The following MICU2 variants were observed in gnomAD, a reference collection of about 807,000 sequenced individuals.
MICU2 encodes the protein calcium uptake protein 2, mitochondrial.
A neutral mutation model predicts 60.4 loss-of-function variants in MICU2; 64 were observed. That is an observed-to-expected ratio of 1.06 (90% CI 0.87 to 1.31). MICU2 has a LOEUF of 1.31. Among genes scored for constraint, MICU2 ranks in the 50% most tolerant of loss-of-function variants. The pLI is 0.00. For missense variants in MICU2, 569 were observed against 531.0 expected, an observed-to-expected ratio of 1.07 and a Z score of -0.70; for synonymous variants, 201 against 175.0, an observed-to-expected ratio of 1.15 and a Z score of -1.17.
chr13:21,586,008 TA>T (rs1161041653), intron 1 of MICU2, among the ~76,000 whole-genome samples: 1 of 152,214 alleles, frequency 6.6e-6, no homozygotes, highest in Non-Finnish European at 1.5e-5. Flanking sequence ...ATTTTTTAGA[TA>T]ATACTTTACA....
chr13:21,525,532 C>T (rs1886830543), intron 4 of MICU2, among the ~76,000 whole-genome samples: 1 of 151,840 alleles, frequency 6.6e-6, no homozygotes. Flanking sequence ...ACCTTTTCCA[C>T]AGCAGCTGTG....
In MICU2 at chr13:21,539,506, T is replaced by C. The variant is rs1216965380; in HGVS notation, c.391-129A>G. On this transcript the variant is annotated intron_variant, in intron 3 of 11. Transcript: ENST00000382374. Reference sequence around the variant, plus strand: ...TTAGTAGACACAGGGCTTCACTGTGTTAGCCAGGATGGTGATCTCCTGACC... The same window carrying C: ...TTAGTAGACACAGGGCTTCACTGTGCTAGCCAGGATGGTGATCTCCTGACC... The C allele has an allele frequency of 8.5e-6, 11 of 1,294,926 alleles. No individual in the cohort carries two copies. The East Asian group carries it at 2.4e-4, about 28-fold the overall frequency. 80.2% of individuals were successfully genotyped at this position (1,294,926 alleles called of 1,614,324 possible).
intron 1 of MICU2, among the ~76,000 whole-genome samples, chr13:21,567,615 A>T (rs2761915): frequency 1.3e-5 from 2 of 152,176 alleles, no homozygotes; most frequent in African/African-American, 2.4e-5. Context: ...AAAATATTGC[A>T]GAATATATAG....
chr13:21,515,738 C>T, intron 6 of MICU2: 1 of 194,820 alleles, frequency 5.1e-6, no homozygotes, highest in South Asian at 8.4e-5. Flanking sequence ...TTGAATTTAG[C>T]TATTTCTATT....
At chr13:21,577,574 G>C (rs1459616204) in intron 1 of MICU2, among the ~76,000 whole-genome samples, 2 of 152,052 alleles carry the variant, frequency 1.3e-5, no homozygotes, top group Non-Finnish European at 2.9e-5. Context: ...TTGGGAGGCC[G>C]ATGTGGGTGG....
intron 2 of MICU2, among the ~76,000 whole-genome samples, chr13:21,548,857 C>T (rs1048714196): frequency 2.7e-5 from 4 of 150,890 alleles, no homozygotes; most frequent in African/African-American, 4.9e-5. Context: ...ATTCTATCGC[C>T]GTATCTCAGA....
Position 21,495,211 on chromosome 13 carries a change from G to A in MICU2, c.1150C>T (p.His384Tyr). 3.1e-6 allele frequency: 5 copies of A among 1,613,130 alleles called. No homozygotes were observed. The highest frequency in any genetic ancestry group is 4.2e-6 in the Non-Finnish European group (5 of 1,179,610). ...TTTAACACCCCAAGAAACTCTTCAT[G>A]ACTAAGACATTCATCACCATCCAAA... ...FDLDGDECLS[H>Y]EEFLGVLKNR... The change falls in exon 11 of 12, where the codon CAT (histidine) becomes TAT (tyrosine). Residue 384 changes from histidine to tyrosine, a missense_variant. His to Tyr is a moderately conservative substitution (Grantham distance 83). Coordinates refer to ENST00000382374, the MANE Select transcript of MICU2 (RefSeq NM_152726.3).
At chr13:21,599,976 C>T (rs763375952) in intron 1 of MICU2, among the ~76,000 whole-genome samples, 11 of 152,132 alleles carry the variant, frequency 7.2e-5, no homozygotes, top group Non-Finnish European at 1.5e-4. Context: ...TGCCTACATT[C>T]ATTAAATGAA....
intron 2 of MICU2, among the ~76,000 whole-genome samples, chr13:21,566,456 A>T (rs985907026): frequency 4.6e-5 from 7 of 151,974 alleles, no homozygotes; most frequent in African/African-American, 1.7e-4. Flanking sequence ...CTGTGACATC[A>T]TGACTGCATT....
At chr13:21,564,199 C>T (rs1887919942) in intron 2 of MICU2, among the ~76,000 whole-genome samples, 1 of 151,992 alleles carries the variant, frequency 6.6e-6, no homozygotes, top group Non-Finnish European at 1.5e-5. Context: ...TCAGATTGTG[C>T]TTCTTCTTTT....
chr13:21,493,253 A>G lies in MICU2; in HGVS notation c.1301T>C (p.Phe434Ser). The change falls in exon 12 of 12, where the codon TTT becomes TCT. Residue 434 changes from phenylalanine (F) to serine (S), a missense_variant. Phe to Ser is a radical substitution (Grantham distance 155). Coordinates refer to ENST00000382374, the MANE Select transcript of MICU2 (RefSeq NM_152726.3). ...EVWKQAGKGL[F>S] ...GCCATACTATTATATCTTTTATTAA[A>G]AAAGACCTTTTCCAGCTTGTTTCCA... 2 of 1,596,828 alleles carry G rather than the reference A, an allele frequency of 1.3e-6. No homozygotes were observed. Among genetic ancestry groups the G allele is most frequent in the Non-Finnish European group, 8.5e-7 (1 of 1,173,088 alleles).
chr13:21,528,968 A>T (rs1450663583), intron 4 of MICU2, among the ~76,000 whole-genome samples: 1 of 152,118 alleles, frequency 6.6e-6, no homozygotes. Context: ...AAAGTATGAA[A>T]GCGTAAAAAG....
chr13:21,595,965 T>G (rs1888683161), intron 1 of MICU2, among the ~76,000 whole-genome samples: 1 of 152,244 alleles, frequency 6.6e-6, no homozygotes, highest in Non-Finnish European at 1.5e-5. Context: ...TACATTAAAT[T>G]TCCTTCTTCA....
intron 1 of MICU2, among the ~76,000 whole-genome samples, chr13:21,591,177 G>A (rs1248361970): frequency 6.7e-6 from 1 of 150,102 alleles, no homozygotes. Flanking sequence ...AGGGATGGAG[G>A]AAAATTCACC....
At chr13:21,603,450 C>G (rs1223593955) in intron 1 of MICU2, 1 of 156,814 alleles carries the variant, frequency 6.4e-6, no homozygotes, top group Non-Finnish European at 1.4e-5. Context: ...AAGCAATCGA[C>G]AGAACTTCAT....
intron 4 of MICU2, among the ~76,000 whole-genome samples, chr13:21,536,316 C>T (rs1332141489): frequency 6.7e-6 from 1 of 148,956 alleles, no homozygotes; most frequent in Non-Finnish European, 1.5e-5. Context: ...ATATGATAAA[C>T]TTATTCTCAA....
chr13:21,536,192 A>T (rs1887126614), intron 4 of MICU2, among the ~76,000 whole-genome samples: 1 of 152,222 alleles, frequency 6.6e-6, no homozygotes, highest in Non-Finnish European at 1.5e-5. Context: ...AAGTCCACTA[A>T]ATATTGATAC....
chr13:21,567,244 G>C (rs1446238742), intron 1 of MICU2, among the ~76,000 whole-genome samples: 1 of 152,184 alleles, frequency 6.6e-6, no homozygotes, highest in East Asian at 1.9e-4. Context: ...ATAAGAAAGG[G>C]ATAAGGTGGT....
intron 2 of MICU2, among the ~76,000 whole-genome samples, chr13:21,549,622 C>CA (rs11452621): frequency 0.35 from 52,510 of 151,540 alleles, 9,476 homozygotes; most frequent in South Asian, 0.41. Flanking sequence ...TATTTATTTG[C>CA]AAAAAAATCT....
Sources: allele counts gnomAD v4.1 joint callset (sites outside exome capture counted in the v4.1 genomes callset), GRCh38; gene constraint gnomAD v4.1.1; transcripts MANE v1.5; gene names NCBI Gene and HGNC (gene_info 2026-07-23, HGNC 2026-07-21).